The following INPP4B variants were observed in gnomAD, a reference collection of about 807,000 sequenced individuals.
INPP4B encodes the protein inositol polyphosphate-4-phosphatase type II B.
In INPP4B, 55 loss-of-function variants were observed where a neutral mutation model predicts 122.5. The ratio of observed to expected loss-of-function variants is 0.45; its 90% confidence interval spans 0.36 to 0.56. INPP4B has a LOEUF of 0.56. INPP4B is among the 20% of genes least tolerant of loss of function. The pLI, the probability that INPP4B is intolerant of heterozygous loss-of-function variation, is 0.00. For synonymous variants in INPP4B, 403 were observed against 388.7 expected, an observed-to-expected ratio of 1.04 and a Z score of -0.43; for missense variants, 1,000 against 1,097.7, an observed-to-expected ratio of 0.91 and a Z score of 1.26.
At chr4:142,071,873 C>T (rs1048235363) in intron 25 of INPP4B, among the ~76,000 whole-genome samples, 2 of 152,062 alleles carry the variant, frequency 1.3e-5, no homozygotes, top group Non-Finnish European at 2.9e-5. Flanking sequence ...ATAGGAACAC[C>T]TTTACACTAT....
chr4:142,404,318 A>G (rs1394676999), intron 6 of INPP4B, among the ~76,000 whole-genome samples: 2 of 152,204 alleles, frequency 1.3e-5, no homozygotes, highest in African/African-American at 4.8e-5. Context: ...GGTCTGGGGC[A>G]GGCTAGTTAG....
At chr4:142,467,101 G>A (rs182592720) in intron 2 of INPP4B, among the ~76,000 whole-genome samples, 120 of 152,342 alleles carry the variant, frequency 7.9e-4, no homozygotes, top group Admixed American at 1.2e-3. Context: ...AGGGCAATGC[G>A]GAGGGGAAAT....
intron 2 of INPP4B, among the ~76,000 whole-genome samples, chr4:142,469,972 A>G (rs1483374086): frequency 6.6e-6 from 1 of 152,128 alleles, no homozygotes; most frequent in African/African-American, 2.4e-5. Flanking sequence ...AATAAAATAA[A>G]TTATGTTCCA....
chr4:142,661,580 C>T (rs1475870141), intron 2 of INPP4B, among the ~76,000 whole-genome samples: 1 of 152,218 alleles, frequency 6.6e-6, no homozygotes, highest in Non-Finnish European at 1.5e-5. Flanking sequence ...TAGTTAAACA[C>T]TGTGGACTTC....
At chr4:142,241,553 T>C (rs1426759613) in intron 11 of INPP4B, among the ~76,000 whole-genome samples, 1 of 152,174 alleles carries the variant, frequency 6.6e-6, no homozygotes, top group Non-Finnish European at 1.5e-5. Flanking sequence ...TCACCTGCTT[T>C]TTCATGGGAT....
At chr4:142,145,592 C>A (rs1342188856) in intron 18 of INPP4B, among the ~76,000 whole-genome samples, 2 of 151,566 alleles carry the variant, frequency 1.3e-5, no homozygotes, top group Non-Finnish European at 2.9e-5. Context: ...AAACACTGTT[C>A]TTTTTTCAAG....
chr4:142,612,093 T>TA, intron 2 of INPP4B, among the ~76,000 whole-genome samples: 1 of 152,256 alleles, frequency 6.6e-6, no homozygotes. Flanking sequence ...GGTATGGTGA[T>TA]CACCCCTCTT....
intron 2 of INPP4B, among the ~76,000 whole-genome samples, chr4:142,674,842 G>C (rs1757499846): frequency 6.6e-6 from 1 of 152,020 alleles, no homozygotes; most frequent in South Asian, 2.1e-4. Context: ...AGAATCTCTG[G>C]GACACAGCTA....
chr4:142,112,730 G>A, intron 21 of INPP4B, 48 bp from the exon 22 acceptor site: 1 of 1,557,622 alleles, frequency 6.4e-7, no homozygotes. Context: ...TATTTGTTTT[G>A]TGTTATTTTA....
intron 9 of INPP4B, among the ~76,000 whole-genome samples, chr4:142,293,698 T>C (rs891222766): frequency 5.3e-5 from 8 of 152,218 alleles, no homozygotes; most frequent in Admixed American, 4.6e-4. Context: ...AGTTTTACTA[T>C]GAAATAGCTA....
intron 7 of INPP4B, among the ~76,000 whole-genome samples, chr4:142,333,621 A>C (rs914305927): frequency 2.0e-5 from 3 of 152,134 alleles, no homozygotes; most frequent in Non-Finnish European, 4.4e-5. Flanking sequence ...AGTTAACTGG[A>C]TGGTCTTGTC....
chr4:142,051,070 T>C (rs1049242568), intron 25 of INPP4B, among the ~76,000 whole-genome samples: 6 of 152,054 alleles, frequency 3.9e-5, no homozygotes, highest in African/African-American at 1.4e-4. Flanking sequence ...TACATGTTCC[T>C]CTGTGTTGAG....
At chr4:142,781,566 GGATT>G (rs1774827760) in intron 1 of INPP4B, among the ~76,000 whole-genome samples, 1 of 152,032 alleles carries the variant, frequency 6.6e-6, no homozygotes, top group African/African-American at 2.4e-5. Flanking sequence ...AACATGAATT[GGATT>G]GATTGTGGTA....
intron 2 of INPP4B, among the ~76,000 whole-genome samples, chr4:142,645,985 A>T (rs34393544): frequency 0.11 from 16,580 of 152,226 alleles, 939 homozygotes; most frequent in South Asian, 0.15. Context: ...AAGAGACCCA[A>T]ATATGCAGTT....
rs547240903 is a variant in INPP4B, at chr4:142,558,576, TAAC to T, written c.-190-95853_-190-95851del. On this transcript the variant is annotated intron_variant, in intron 2 of 25. Coordinates refer to ENST00000262992, the MANE Select transcript of INPP4B (RefSeq NM_001101669.3). ...TATTCAGGCTATGGTGTGCCACTGT[TAAC>T]AAATTCATCTGGAAATCTCAGTGGG... Among the ~76,000 whole-genome samples the T allele has an allele frequency of 1.9e-3, 287 of 152,078 alleles. 1 individual carries two copies. Among genetic ancestry groups the T allele is most frequent in the Admixed American group, 3.2e-3 (49 of 15,272 alleles).
At chr4:142,095,770 G>A (rs950056802) in intron 23 of INPP4B, among the ~76,000 whole-genome samples, 7 of 152,138 alleles carry the variant, frequency 4.6e-5, no homozygotes, top group African/African-American at 1.7e-4. Flanking sequence ...ATGAAATTTG[G>A]TTCAAACAAT....
chr4:142,553,232 A>G (rs1728390670), intron 2 of INPP4B, among the ~76,000 whole-genome samples: 1 of 152,100 alleles, frequency 6.6e-6, no homozygotes, highest in Admixed American at 6.6e-5. Context: ...CTTCCAATAA[A>G]CAATATTAAC....
At chr4:142,220,180 G>A (rs930881650) in intron 12 of INPP4B, among the ~76,000 whole-genome samples, 4 of 152,084 alleles carry the variant, frequency 2.6e-5, no homozygotes, top group African/African-American at 7.2e-5. Flanking sequence ...TTCAAATCCT[G>A]TTATCTTTTT....
chr4:142,345,722 A>C (rs1314942607), intron 7 of INPP4B, among the ~76,000 whole-genome samples: 2 of 152,048 alleles, frequency 1.3e-5, no homozygotes, highest in African/African-American at 4.8e-5. Context: ...AAAACAAAAA[A>C]ATAGAGTTAT....
Sources: allele counts gnomAD v4.1 joint callset (sites outside exome capture counted in the v4.1 genomes callset), GRCh38; gene constraint gnomAD v4.1.1; transcripts MANE v1.5; gene names NCBI Gene and HGNC (gene_info 2026-07-23, HGNC 2026-07-21).